ARMH1: variants seen among roughly 807,000 people sequenced by gnomAD.
ARMH1 encodes armadillo-like helical domain containing protein 1.
In ARMH1, 34 loss-of-function variants were observed where a neutral mutation model predicts 50.2. That is an observed-to-expected ratio of 0.68 (90% CI 0.51 to 0.90). ARMH1 has a LOEUF of 0.90. ARMH1 is among the 40% of genes least tolerant of loss of function. ARMH1 has a pLI of 0.00. For missense variants in ARMH1, 538 were observed against 553.9 expected, an observed-to-expected ratio of 0.97 and a Z score of 0.29; for synonymous variants, 221 against 224.2, an observed-to-expected ratio of 0.99 and a Z score of 0.13.
chr1:44,704,688 T>C (rs567674903), intron 6 of ARMH1, among the ~76,000 whole-genome samples: 1 of 152,050 alleles, frequency 6.6e-6, no homozygotes, highest in East Asian at 1.9e-4. Flanking sequence ...ACTTTTTAAT[T>C]TTTTGCAGAA....
intron 4 of ARMH1, among the ~76,000 whole-genome samples, chr1:44,700,222 T>A (rs1322709909): frequency 6.6e-6 from 1 of 152,224 alleles, no homozygotes; most frequent in Non-Finnish European, 1.5e-5. Flanking sequence ...CCTCAGTGTC[T>A]TCATCCATAA....
chr1:44,710,417 G>A (rs936479034), intron 6 of ARMH1, among the ~76,000 whole-genome samples: 1 of 151,982 alleles, frequency 6.6e-6, no homozygotes, highest in African/African-American at 2.4e-5. Flanking sequence ...AGACCATCCT[G>A]GCTAACACGG....
chr1:44,720,197 C>CAAAA (rs35873369), intron 6 of ARMH1, among the ~76,000 whole-genome samples: 1,022 of 69,122 alleles, frequency 0.015, 18 homozygotes, highest in African/African-American at 0.035. Flanking sequence ...AACTCTGTCT[C>CAAAA]AAAAAAAAAA....
At position 44,702,831 on chromosome 1, in the gene ARMH1, G is replaced by C. The variant is rs187395041; in HGVS notation, c.640-1258G>C. On this transcript the variant is annotated intron_variant, in intron 5 of 11. Coordinates refer to ENST00000535358, the MANE Select transcript of ARMH1 (RefSeq NM_001145636.2). ...TCCGTAAGGAGGACATGATCAGCTGGGGTCAGATGCAACAAAGTCATTCAG... is the reference window on the plus strand; with the variant it reads ...TCCGTAAGGAGGACATGATCAGCTGCGGTCAGATGCAACAAAGTCATTCAG... Among the ~76,000 whole-genome samples the C allele has an allele frequency of 1.0e-3, 159 of 152,216 alleles. 1 individual carries two copies. Among genetic ancestry groups the C allele is most frequent in the African/African-American group, 3.1e-3 (128 of 41,556 alleles).
In ARMH1 at chr1:44,703,978, G is replaced by A. The variant is rs1273899830; in HGVS notation, c.640-111G>A. 3.2e-5 allele frequency: 24 copies of A among 738,924 alleles called. No individual in the cohort carries two copies. The East Asian group carries it at 5.3e-4, about 16-fold the overall frequency. The allele number at this position is 738,924 out of a possible 1,614,324, so 45.8% of individuals were successfully genotyped here. ...CCTGACCTCGTGATCTGCCCACCTC[G>A]GCCTCCTAAAGTGCTGGGATTACAG... is the stretch of plus-strand genomic sequence containing the variant. On this transcript the variant is annotated intron_variant, in intron 5 of 11. Transcript: ENST00000535358.
chr1:44,694,311 T>C (rs745579831), intron 2 of ARMH1, among the ~76,000 whole-genome samples: 15 of 152,168 alleles, frequency 9.9e-5, no homozygotes, highest in Non-Finnish European at 2.1e-4. Context: ...CCTCCAGTTA[T>C]GGTGGATTTT....
chr1:44,725,469 C>T lies in ARMH1; in HGVS notation c.*66C>T, dbSNP rs1648158966. On this transcript the variant is annotated 3_prime_UTR_variant, in exon 12 of 12. Coordinates refer to ENST00000535358, the MANE Select transcript of ARMH1 (RefSeq NM_001145636.2). The stretch of plus-strand genomic sequence containing the variant: ...AGGGAAGCCTGGCAAGAGGAAGGCG[C>T]CTGGGGTCAAGCTCAGAGCCACTCC... The T allele has an allele frequency of 3.4e-6, 5 of 1,492,148 alleles. No homozygotes were observed. The South Asian group carries it at 6.1e-5, about 18-fold the overall frequency. The allele number at this position is 1,492,148 out of a possible 1,614,324, so 92.4% of individuals were successfully genotyped here. A position where few individuals can be genotyped will look rare whatever the true frequency, so the allele number is the denominator to read the frequency against.
chr1:44,704,019 C>G, intron 5 of ARMH1, 70 bp from the exon 6 acceptor site: 1 of 1,343,982 alleles, frequency 7.4e-7, no homozygotes, highest in Non-Finnish European at 1.0e-6. Context: ...AGCCACCGCA[C>G]CCGGCCGGGA....
In ARMH1 at chr1:44,697,005, G is replaced by C. The variant is rs1645848365; in HGVS notation, c.207-97G>C. On this transcript the variant is annotated intron_variant, in intron 2 of 11. Transcript: ENST00000535358. Reference sequence around the variant, plus strand: ...TAAAGAGGCACAGTTCAGCTACTTGGCCACCCTGGGCCCGGGGTGGTACCA... The same window carrying C: ...TAAAGAGGCACAGTTCAGCTACTTGCCCACCCTGGGCCCGGGGTGGTACCA... 3 of 853,590 alleles carry C rather than the reference G, an allele frequency of 3.5e-6. No homozygotes were observed. The South Asian group carries it at 4.5e-5, about 13-fold the overall frequency. 52.9% of individuals were successfully genotyped at this position (853,590 alleles called of 1,614,324 possible).
In ARMH1 at chr1:44,723,240, C is replaced by T. The variant is rs377069405; in HGVS notation, c.725-882C>T. ...ACAGCCCAATCACTGACTCCTTCCACAGCACCTGTCACCATATCATCGCTG... is the reference window on the plus strand; with the variant it reads ...ACAGCCCAATCACTGACTCCTTCCATAGCACCTGTCACCATATCATCGCTG... On this transcript the variant is annotated intron_variant, in intron 6 of 11. Transcript: ENST00000535358. 2.6e-5 allele frequency among the ~76,000 whole-genome samples: 4 copies of T among 152,156 alleles called. No homozygotes were observed. In the East Asian group the frequency reaches 7.7e-4, roughly 29 times the overall value.
At chr1:44,675,074 TATATTTACATACTATGTGCCAGC>T (rs1190117559) in intron 1 of ARMH1, among the ~76,000 whole-genome samples, 3 of 152,164 alleles carry the variant, frequency 2.0e-5, no homozygotes, top group Non-Finnish European at 2.9e-5. Flanking sequence ...TGCATTTATC[TATATTTACATACTATGTGCCAGC>T]ATATTTACAT....
chr1:44,715,705 G>A (rs140545112), intron 6 of ARMH1, among the ~76,000 whole-genome samples: 7 of 152,104 alleles, frequency 4.6e-5, no homozygotes, highest in African/African-American at 1.4e-4. Flanking sequence ...GATTACAGGC[G>A]CCCACCATCA....
chr1:44,696,649 T>C (rs1011264068), intron 2 of ARMH1, among the ~76,000 whole-genome samples: 7 of 152,188 alleles, frequency 4.6e-5, no homozygotes, highest in Admixed American at 1.3e-4. Context: ...TGACCTCCAG[T>C]GTAAAACTTT....
chr1:44,703,655 G>A (rs1646196333), intron 5 of ARMH1, among the ~76,000 whole-genome samples: 1 of 151,186 alleles, frequency 6.6e-6, no homozygotes, highest in African/African-American at 2.4e-5. Context: ...TTGAGCCCAG[G>A]AGGCGGAGGT....
At chr1:44,691,365 C>A (rs1042860077) in intron 2 of ARMH1, among the ~76,000 whole-genome samples, 3 of 152,116 alleles carry the variant, frequency 2.0e-5, no homozygotes, top group African/African-American at 7.2e-5. Flanking sequence ...GTGCCTCCCA[C>A]TCCACTGATG....
At position 44,698,238 on chromosome 1, in the gene ARMH1, T is replaced by C; in HGVS notation, c.442+9T>C. 1 of 1,548,470 alleles carries C rather than the reference T, an allele frequency of 6.5e-7. No individual in the cohort carries two copies. The highest frequency in any genetic ancestry group is 8.7e-7 in the Non-Finnish European group (1 of 1,144,366). On this transcript the variant is annotated intron_variant, in intron 4 of 11. Coordinates refer to ENST00000535358, the MANE Select transcript of ARMH1 (RefSeq NM_001145636.2). The stretch of plus-strand genomic sequence containing the variant: ...CATTTGTGAAAGCTATGGTGGGTAC[T>C]GTGTGTGACAAGATGTGTCTCCCTA...
At chr1:44,721,997 T>G (rs1557570812) in intron 6 of ARMH1, 1 of 152,210 alleles carries the variant, frequency 6.6e-6, no homozygotes, top group African/African-American at 2.4e-5. Flanking sequence ...TTTCTTCCAC[T>G]GTAGAAAAGT....
intron 1 of ARMH1, among the ~76,000 whole-genome samples, chr1:44,678,734 C>T (rs1408273006): frequency 6.6e-6 from 1 of 152,106 alleles, no homozygotes; most frequent in African/African-American, 2.4e-5. Context: ...GACAGTGAGC[C>T]AGGCTGGCAA....
chr1:44,691,831 T>C (rs186812857), intron 2 of ARMH1, among the ~76,000 whole-genome samples: 1 of 152,348 alleles, frequency 6.6e-6, no homozygotes, highest in African/African-American at 2.4e-5. Context: ...GGTGCCATTA[T>C]GTGGAAGAGA....
Sources: gnomAD v4.1 joint callset for allele counts (sites outside exome capture counted in the v4.1 genomes callset) on GRCh38, gnomAD v4.1.1 for gene constraint, MANE v1.5 for transcripts, NCBI Gene and HGNC (gene_info 2026-07-23, HGNC 2026-07-21) for gene names.